The following BNC2 variants were observed in gnomAD, a reference collection of about 807,000 sequenced individuals.
The protein encoded by BNC2 is basonuclin zinc finger protein 2.
A neutral mutation model predicts 76.3 loss-of-function variants in BNC2; 20 were observed. The ratio of observed to expected loss-of-function variants is 0.26; its 90% CI spans 0.18 to 0.38. BNC2 has a LOEUF of 0.38. Ranked by LOEUF, BNC2 falls within the 10% of genes least tolerant of loss-of-function variation. BNC2 has a pLI of 1.00. For synonymous variants in BNC2, 582 were observed against 514.8 expected, an observed-to-expected ratio of 1.13 and a Z score of -1.77; for missense variants, 1,382 against 1,399.8, an observed-to-expected ratio of 0.99 and a Z score of 0.20.
chr9:16,503,047 T>C (rs1168306253), intron 5 of BNC2, among the ~76,000 whole-genome samples: 1 of 152,222 alleles, frequency 6.6e-6, no homozygotes, highest in Non-Finnish European at 1.5e-5. Context: ...TTAAATGAAT[T>C]GTCTCTTGCC....
chr9:16,566,467 G>C (rs73419419), intron 4 of BNC2, among the ~76,000 whole-genome samples: 9,211 of 152,156 alleles, frequency 0.061, 988 homozygotes, highest in African/African-American at 0.21. Flanking sequence ...AATTTGGAGG[G>C]TAAGGTGGCG....
intron 6 of BNC2, chr9:16,434,946 C>T (rs545137668): frequency 3.2e-5 from 15 of 470,432 alleles, no homozygotes; most frequent in South Asian, 1.4e-4. Flanking sequence ...ACATCTATCC[C>T]ATTTCCTTCT....
intron 6 of BNC2, chr9:16,429,334 C>A (rs1315394435): frequency 6.6e-6 from 1 of 152,332 alleles, no homozygotes; most frequent in African/African-American, 2.4e-5. Context: ...CGTACATGTA[C>A]AGTCTTACCA....
At chr9:16,711,323 G>T (rs370742772) in intron 3 of BNC2, among the ~76,000 whole-genome samples, 19 of 152,296 alleles carry the variant, frequency 1.2e-4, no homozygotes, top group African/African-American at 4.6e-4. Flanking sequence ...GGCTGTGGTT[G>T]ATTTGGGTTG....
In BNC2 at chr9:16,516,049, G is replaced by C. The variant is rs1587121415; in HGVS notation, c.669+36481C>G. Among the ~76,000 whole-genome samples the C allele has an allele frequency of 2.0e-5, 3 of 152,074 alleles. No homozygotes were observed. The South Asian group carries it at 6.2e-4, about 32-fold the overall frequency. ...GTAAGAGACTGTAGCTGATTCAAGG[G>C]AAAATGAAAACTTTTCAAAGACAAC... On this transcript the variant is annotated intron_variant, in intron 5 of 6. Transcript: ENST00000380672.
chr9:16,582,906 C>CACAG, intron 4 of BNC2, 77 bp downstream of exon 4: 2 of 950,276 alleles, frequency 2.1e-6, no homozygotes, highest in Non-Finnish European at 3.4e-6. Flanking sequence ...CACACACACA[C>CACAG]ACACACACAC....
chr9:16,730,584 T>C (rs536690281), intron 2 of BNC2, among the ~76,000 whole-genome samples: 2 of 152,282 alleles, frequency 1.3e-5, no homozygotes, highest in African/African-American at 2.4e-5. Context: ...ACAGGGTTAT[T>C]AGGCTGACTA....
chr9:16,844,103 A>T (rs149080352), intron 1 of BNC2, among the ~76,000 whole-genome samples: 225 of 152,154 alleles, frequency 1.5e-3, no homozygotes, highest in African/African-American at 5.2e-3. Flanking sequence ...CTACAAAAAT[A>T]ATAATAATAA....
At chr9:16,464,343 A>G (rs1366432045) in intron 5 of BNC2, among the ~76,000 whole-genome samples, 1 of 152,086 alleles carries the variant, frequency 6.6e-6, no homozygotes, top group East Asian at 1.9e-4. Context: ...TCAGGTCATT[A>G]GGATTAAGAT....
intron 5 of BNC2, among the ~76,000 whole-genome samples, chr9:16,437,882 G>A (rs1821052209): frequency 6.6e-6 from 1 of 152,104 alleles, no homozygotes; most frequent in South Asian, 2.1e-4. Flanking sequence ...GTGAACTCTT[G>A]CTGTGAAATC....
chr9:16,740,752 A>G (rs1300606608), intron 1 of BNC2, among the ~76,000 whole-genome samples: 1 of 152,184 alleles, frequency 6.6e-6, no homozygotes, highest in East Asian at 1.9e-4. Context: ...AAGAGAGAAA[A>G]CGATATTGAA....
Position 16,727,866 on chromosome 9 carries a change from C to G in BNC2, c.261G>C (p.Thr87=), listed in dbSNP as rs1824390852. ...ATGTCCCCATGAACCCTGGTTCAGC[C>G]GTAGTCGTTCTGGTTCCGAACTGCA... is the stretch of plus-strand genomic sequence containing the variant. ...NSMQFGTRTT[T]AEPGFMGTWQ... The change falls in exon 3 of 7, where the codon ACG becomes ACC. Residue 87 remains threonine, a synonymous_variant. Transcript: ENST00000380672. 6.2e-7 allele frequency: 1 copy of G among 1,614,040 alleles called. No individual in the cohort carries two copies. The highest frequency in any genetic ancestry group is 1.7e-5 in the Admixed American group (1 of 60,004).
At position 16,412,245 on chromosome 9, in the gene BNC2, T is replaced by C. The variant is rs1044844299; in HGVS notation, c.*6744A>G. 1 of 152,628 alleles carries C rather than the reference T, an allele frequency of 6.6e-6. No homozygotes were observed. The highest frequency in any genetic ancestry group is 2.4e-5 in the African/African-American group (1 of 41,454). 9.5% of individuals were successfully genotyped at this position (152,628 alleles called of 1,614,324 possible). A position where few individuals can be genotyped will look rare whatever the true frequency, so the allele number is the denominator to read the frequency against. ...GTCAGTCCAGTTTGACAAAAGTTAATCTATCATGTTACACTATGGATTTGG... is the reference window on the plus strand; with the variant it reads ...GTCAGTCCAGTTTGACAAAAGTTAACCTATCATGTTACACTATGGATTTGG... On this transcript the variant is annotated 3_prime_UTR_variant, in exon 7 of 7. Coordinates refer to ENST00000380672, the MANE Select transcript of BNC2 (RefSeq NM_017637.6).
chr9:16,639,839 G>T (rs1041296635), intron 3 of BNC2, among the ~76,000 whole-genome samples: 2 of 151,978 alleles, frequency 1.3e-5, no homozygotes, highest in Non-Finnish European at 2.9e-5. Context: ...GGAGGACTGC[G>T]TAAGCCCAGG....
intron 1 of BNC2, among the ~76,000 whole-genome samples, chr9:16,767,367 A>T (rs181444242): frequency 6.6e-6 from 1 of 152,244 alleles, no homozygotes; most frequent in Non-Finnish European, 1.5e-5. Flanking sequence ...TCAGAGAGAC[A>T]CAAGGAAACA....
chr9:16,420,903 T>C (rs1054238108), intron 6 of BNC2, among the ~76,000 whole-genome samples: 13 of 152,276 alleles, frequency 8.5e-5, no homozygotes, highest in African/African-American at 2.9e-4. Context: ...AATTGAAGGT[T>C]ACCCTTCCAA....
At chr9:16,603,997 T>G (rs1478140970) in intron 3 of BNC2, among the ~76,000 whole-genome samples, 1 of 152,142 alleles carries the variant, frequency 6.6e-6, no homozygotes, top group Non-Finnish European at 1.5e-5. Flanking sequence ...TAAACTCTAG[T>G]AAATAAAACT....
chr9:16,816,429 C>T (rs1433173820), intron 1 of BNC2, among the ~76,000 whole-genome samples: 3 of 152,132 alleles, frequency 2.0e-5, no homozygotes, highest in Admixed American at 6.6e-5. Flanking sequence ...GCCAGTTCTG[C>T]GCTGTTAAAT....
intron 5 of BNC2, among the ~76,000 whole-genome samples, chr9:16,533,090 G>A (rs1352235136): frequency 6.6e-6 from 1 of 151,964 alleles, no homozygotes; most frequent in Non-Finnish European, 1.5e-5. Context: ...GTACCCTTGT[G>A]GGAAAAAGAA....
Sources: allele counts gnomAD v4.1 joint callset (sites outside exome capture counted in the v4.1 genomes callset), GRCh38; gene constraint gnomAD v4.1.1; transcripts MANE v1.5; gene names NCBI Gene and HGNC (gene_info 2026-07-23, HGNC 2026-07-21).